Variants in AXDND1 observed in about 807,000 individuals in gnomAD.
AXDND1 encodes the protein axonemal dynein light chain domain containing 1, also known as axonemal dynein light chain domain-containing protein 1.
AXDND1 carries 110 observed loss-of-function variants against 137.5 expected under a neutral mutation model. That is an observed-to-expected ratio of 0.80 (90% CI 0.69 to 0.94). The LOEUF (loss-of-function observed/expected upper bound fraction) is 0.94, where lower values mean the gene tolerates loss of function less well. AXDND1 is among the 40% of genes least tolerant of loss of function. AXDND1 has a pLI of 0.00. For missense variants in AXDND1, 1,191 were observed against 1,169.8 expected, an observed-to-expected ratio of 1.02 and a Z score of -0.26; for synonymous variants, 414 against 399.7, an observed-to-expected ratio of 1.04 and a Z score of -0.43.
intron 16 of AXDND1, chr1:179,453,450 A>T (rs1308738908): frequency 6.6e-5 from 10 of 152,480 alleles, no homozygotes; most frequent in Admixed American, 6.5e-4. Context: ...CATCTCTTGC[A>T]TCAGCATGAC....
At chr1:179,423,376 G>T (rs4504843) in intron 12 of AXDND1, among the ~76,000 whole-genome samples, 116,744 of 152,046 alleles carry the variant, frequency 0.77, 45,111 homozygotes, top group South Asian at 0.83. Context: ...GGGTCTTGTT[G>T]CTTTATCCTT....
intron 25 of AXDND1, 152 bp downstream of exon 25, chr1:179,535,114 AC>A: frequency 8.4e-7 from 1 of 1,189,626 alleles, no homozygotes; most frequent in Non-Finnish European, 1.2e-6. Context: ...TAATCACATA[AC>A]CATCTTATTC....
intron 16 of AXDND1, among the ~76,000 whole-genome samples, chr1:179,457,818 T>C (rs1030228742): frequency 6.6e-6 from 1 of 152,122 alleles, no homozygotes; most frequent in Non-Finnish European, 1.5e-5. Flanking sequence ...TATTTAGAGA[T>C]CGTTTTACTT....
intron 18 of AXDND1, among the ~76,000 whole-genome samples, chr1:179,490,714 C>T (rs1572059946): frequency 2.0e-4 from 30 of 151,502 alleles, no homozygotes; most frequent in Admixed American, 1.9e-3. Context: ...TCAGATTGGA[C>T]GTTACCACCT....
Position 179,491,574 on chromosome 1 carries a change from G to A in AXDND1, c.2128G>A (p.Val710Ile), listed in dbSNP as rs759617258. Reference protein sequence around the residue: ...ELHISMIQWMVNLLILMIPNF... With the variant: ...ELHISMIQWMINLLILMIPNF... ...ACATATATCTATGATCCAGTGGATG[G>A]TAAACTTGCTGATTTTAATGATACC... Residue 710 changes from valine to isoleucine, a missense_variant, in exon 19 of 26, where the codon GTA (valine) becomes ATA (isoleucine). Coordinates refer to ENST00000367618, the MANE Select transcript of AXDND1 (RefSeq NM_144696.6). The A allele has an allele frequency of 1.9e-6, 3 of 1,612,132 alleles. No homozygotes were observed. The highest frequency in any genetic ancestry group is 1.7e-6 in the Non-Finnish European group (2 of 1,178,414).
intron 12 of AXDND1, among the ~76,000 whole-genome samples, chr1:179,421,756 A>T (rs1486663966): frequency 6.6e-6 from 1 of 151,886 alleles, no homozygotes; most frequent in African/African-American, 2.4e-5. Flanking sequence ...CCAACTTTTC[A>T]GCTGGGCGCA....
At chr1:179,541,473 G>GT (rs1326837018) in intron 25 of AXDND1, among the ~76,000 whole-genome samples, 10 of 139,214 alleles carry the variant, frequency 7.2e-5, no homozygotes, top group African/African-American at 1.3e-4. Context: ...CGGAAAATCC[G>GT]TTTTTGTTTT....
At chr1:179,513,435 T>C (rs963002482) in intron 21 of AXDND1, among the ~76,000 whole-genome samples, 1 of 152,162 alleles carries the variant, frequency 6.6e-6, no homozygotes, top group Non-Finnish European at 1.5e-5. Context: ...TGGTGGATTA[T>C]CTTTTTGATA....
intron 11 of AXDND1, among the ~76,000 whole-genome samples, chr1:179,407,912 C>T (rs981675270): frequency 6.6e-6 from 1 of 152,074 alleles, no homozygotes; most frequent in Non-Finnish European, 1.5e-5. Flanking sequence ...TTATGGTGTC[C>T]CATATATCCA....
intron 11 of AXDND1, among the ~76,000 whole-genome samples, chr1:179,405,465 T>G (rs1558130937): frequency 6.6e-6 from 1 of 152,340 alleles, no homozygotes; most frequent in East Asian, 1.9e-4. Flanking sequence ...TCAAAGGTAT[T>G]TCTGGTTCCA....
rs767040476 is a variant in AXDND1 at position 179,468,550 on chromosome 1, G to C, written c.1906G>C (p.Asp636His). ...GCCTCTTGAAGAATGGCAGGAAATA[G>C]ATGAAAAAATTAATGAAATGAAATC... ...DTPLEEWQEIDEKINEMKSHL... is the reference protein window; with the variant it reads ...DTPLEEWQEIHEKINEMKSHL... The change falls in exon 17 of 26, where the codon GAT becomes CAT. Residue 636 changes from aspartate to histidine, a missense_variant. Transcript: ENST00000367618. 5 of 1,612,710 alleles carry C rather than the reference G, an allele frequency of 3.1e-6. No homozygotes were observed. The highest frequency in any genetic ancestry group is 4.2e-6 in the Non-Finnish European group (5 of 1,179,300).
At chr1:179,430,715 A>AT (rs1657241281) in intron 14 of AXDND1, 109 bp downstream of exon 14, 1 of 1,250,276 alleles carries the variant, frequency 8.0e-7, no homozygotes, top group East Asian at 2.4e-5. Context: ...TCTAACATTG[A>AT]TTTTGGGGAG....
At chr1:179,380,164 G>A (rs919701971) in intron 6 of AXDND1, among the ~76,000 whole-genome samples, 1 of 151,726 alleles carries the variant, frequency 6.6e-6, no homozygotes, top group African/African-American at 2.4e-5. Flanking sequence ...CAGGAGAATG[G>A]CATGAACCCA....
intron 25 of AXDND1, chr1:179,543,748 A>C (rs549187920): frequency 6.6e-6 from 1 of 152,360 alleles, no homozygotes; most frequent in East Asian, 1.9e-4. Flanking sequence ...AAATGACCAC[A>C]CTTGAACTTG....
intron 21 of AXDND1, among the ~76,000 whole-genome samples, chr1:179,513,236 C>T (rs920306854): frequency 6.6e-6 from 1 of 152,106 alleles, no homozygotes; most frequent in Non-Finnish European, 1.5e-5. Flanking sequence ...GAGTTATGTC[C>T]ATTGTATGCT....
intron 21 of AXDND1, among the ~76,000 whole-genome samples, chr1:179,522,099 CTCT>C (rs1158167114): frequency 6.6e-6 from 1 of 152,054 alleles, no homozygotes; most frequent in Non-Finnish European, 1.5e-5. Flanking sequence ...TGCATTTGCT[CTCT>C]TCTTTCCTTC....
intron 17 of AXDND1, among the ~76,000 whole-genome samples, chr1:179,479,257 A>T (rs1445353355): frequency 6.6e-6 from 1 of 151,856 alleles, no homozygotes; most frequent in African/African-American, 2.4e-5. Context: ...CGGGTGGATC[A>T]CTTGAAGTCA....
chr1:179,378,856 G>A (rs749301081), intron 5 of AXDND1, 99 bp downstream of exon 5: 21 of 1,021,892 alleles, frequency 2.1e-5, no homozygotes, highest in Admixed American at 8.0e-5. Flanking sequence ...ATAAAACAAC[G>A]TCATACTATA....
intron 17 of AXDND1, among the ~76,000 whole-genome samples, chr1:179,479,108 A>G (rs4651037): frequency 0.2 from 30,086 of 152,048 alleles, 3,146 homozygotes; most frequent in Non-Finnish European, 0.23. Flanking sequence ...TCTCAAAAAA[A>G]TAATAATAAA....
Sources: allele counts gnomAD v4.1 joint callset (sites outside exome capture counted in the v4.1 genomes callset), GRCh38; gene constraint gnomAD v4.1.1; transcripts MANE v1.5; gene names NCBI Gene and HGNC (gene_info 2026-07-23, HGNC 2026-07-21).